Variants in SIAH1 observed in about 807,000 individuals in gnomAD.
The protein encoded by SIAH1 is E3 ubiquitin-protein ligase SIAH1.
In SIAH1, 2 loss-of-function variants were observed where a neutral mutation model predicts 20.0. That is an observed-to-expected ratio of 0.10 (90% confidence interval 0.04 to 0.31). The LOEUF (loss-of-function observed/expected upper bound fraction) is 0.31. Ranked by LOEUF, SIAH1 falls within the 10% of genes least tolerant of loss-of-function variation. The pLI, the probability that SIAH1 is intolerant of heterozygous loss-of-function variation, is 1.00. For missense variants in SIAH1, 119 were observed against 355.3 expected (o/e 0.33, Z 5.35); for synonymous variants, 118 against 125.3 (o/e 0.94, Z 0.39).
chr16:48,384,948 G>A (rs1470212282), intron 1 of SIAH1, among the ~76,000 whole-genome samples: 6 of 145,190 alleles, frequency 4.1e-5, no homozygotes, highest in Non-Finnish European at 6.1e-5. Context: ...GCCGACCCCC[G>A]CCGCCACCCC....
At chr16:48,368,809 T>C (rs1197197055) in intron 1 of SIAH1, among the ~76,000 whole-genome samples, 1 of 152,164 alleles carries the variant, frequency 6.6e-6, no homozygotes, top group African/African-American at 2.4e-5. Context: ...AAATTATTCT[T>C]AGAAACAATA....
At position 48,360,710 on chromosome 16, in the gene SIAH1, G is replaced by C. The variant is rs1960549028; in HGVS notation, c.*870C>G. On this transcript the variant is annotated 3_prime_UTR_variant, in exon 2 of 2. Transcript: ENST00000394725. ...ATTTTAAAATATGTGATTTGTCCAA[G>C]ATATCTGAAAAAGGAAACAAAAGCC... is the stretch of plus-strand genomic sequence containing the variant. 1 of 152,452 alleles carries C rather than the reference G, an allele frequency of 6.6e-6. No individual in the cohort carries two copies. Among genetic ancestry groups the C allele is most frequent in the African/African-American group, 2.4e-5 (1 of 41,390 alleles). The allele number at this position is 152,452 out of a possible 1,614,324, so 9.4% of individuals were successfully genotyped here. A position where few individuals can be genotyped will look rare whatever the true frequency, so the allele number is the denominator to read the frequency against.
chr16:48,383,921 T>A (rs994935376), intron 1 of SIAH1, among the ~76,000 whole-genome samples: 2 of 152,224 alleles, frequency 1.3e-5, no homozygotes, highest in African/African-American at 2.4e-5. Flanking sequence ...AAGCATTTGT[T>A]GAGAACTTAG....
chr16:48,380,131 A>C (rs958651325), intron 1 of SIAH1, among the ~76,000 whole-genome samples: 2 of 152,242 alleles, frequency 1.3e-5, no homozygotes. Flanking sequence ...GTATCTAAAA[A>C]AGAACTGTTA....
chr16:48,372,426 T>C (rs887445227), intron 1 of SIAH1, among the ~76,000 whole-genome samples: 1 of 152,200 alleles, frequency 6.6e-6, no homozygotes, highest in Admixed American at 6.5e-5. Context: ...GGAGTTCACA[T>C]TTCTCTAAAA....
chr16:48,364,454 C>T (rs997589334), intron 1 of SIAH1, among the ~76,000 whole-genome samples: 1 of 152,104 alleles, frequency 6.6e-6, no homozygotes, highest in African/African-American at 2.4e-5. Flanking sequence ...CGTCACTAAA[C>T]GGGTATTTTA....
chr16:48,365,825 G>GCA (rs1254670274), intron 1 of SIAH1: 1 of 1,249,604 alleles, frequency 8.0e-7, no homozygotes, highest in Non-Finnish European at 1.0e-6. Flanking sequence ...GGCCACGGAT[G>GCA]CAGGGGGCGA....
At chr16:48,373,862 GT>G (rs1461881771) in intron 1 of SIAH1, among the ~76,000 whole-genome samples, 4 of 152,144 alleles carry the variant, frequency 2.6e-5, no homozygotes, top group Non-Finnish European at 4.4e-5. Flanking sequence ...CTCCTACTTT[GT>G]TCCCCTTTAC....
At chr16:48,370,016 C>T (rs1234671078) in intron 1 of SIAH1, among the ~76,000 whole-genome samples, 1 of 152,248 alleles carries the variant, frequency 6.6e-6, no homozygotes, top group Non-Finnish European at 1.5e-5. Flanking sequence ...CAACTCTCTT[C>T]TCTAAGAACT....
Position 48,370,464 on chromosome 16 carries a change from T to C in SIAH1, c.-2-8034A>G, listed in dbSNP as rs897846275. On this transcript the variant is annotated intron_variant, in intron 1 of 1. Transcript: ENST00000394725. ...TGCCAGGTAGACTCAATGGTTTACATATGTTCTCATTTAACCTTTCCAATG... is the reference window on the plus strand; with the variant it reads ...TGCCAGGTAGACTCAATGGTTTACACATGTTCTCATTTAACCTTTCCAATG... Among the ~76,000 whole-genome samples the C allele has an allele frequency of 3.9e-5, 6 of 152,128 alleles. No individual in the cohort carries two copies. In the East Asian group the frequency reaches 7.7e-4, roughly 20 times the overall value.
chr16:48,380,300 A>T (rs958841760), intron 1 of SIAH1, among the ~76,000 whole-genome samples: 1 of 151,910 alleles, frequency 6.6e-6, no homozygotes, highest in Admixed American at 6.6e-5. Flanking sequence ...TTAGCCGAGC[A>T]CGGTGGGCTC....
At chr16:48,367,685 C>T (rs895623904) in intron 1 of SIAH1, among the ~76,000 whole-genome samples, 3 of 152,192 alleles carry the variant, frequency 2.0e-5, no homozygotes, top group Admixed American at 6.5e-5. Context: ...CAAAAGATGC[C>T]TTAACCTTGC....
At chr16:48,378,295 G>A (rs1171948786) in intron 1 of SIAH1, among the ~76,000 whole-genome samples, 3 of 152,220 alleles carry the variant, frequency 2.0e-5, no homozygotes, top group African/African-American at 4.8e-5. Context: ...GGAGGTTGCC[G>A]TGAGCCAAGA....
At chr16:48,381,812 A>G (rs911098180) in intron 1 of SIAH1, among the ~76,000 whole-genome samples, 1 of 152,194 alleles carries the variant, frequency 6.6e-6, no homozygotes, top group South Asian at 2.1e-4. Context: ...CATGTATGTC[A>G]TTATGTATTT....
intron 1 of SIAH1, among the ~76,000 whole-genome samples, chr16:48,375,940 A>C (rs1309485791): frequency 6.6e-6 from 1 of 152,232 alleles, no homozygotes; most frequent in Non-Finnish European, 1.5e-5. Context: ...ACAGGCACAC[A>C]AAGCATCAAG....
upstream of SIAH1, chr16:48,385,432 C>T (rs1018030352): frequency 1.1e-4 from 17 of 152,656 alleles, no homozygotes; most frequent in East Asian, 1.9e-3. Context: ...CGCGCGCCCC[C>T]GCTAAATACC....
intron 1 of SIAH1, among the ~76,000 whole-genome samples, chr16:48,376,551 G>A (rs995069266): frequency 4.6e-5 from 7 of 152,074 alleles, no homozygotes; most frequent in Non-Finnish European, 1.0e-4. Context: ...GAGTGCAGTG[G>A]TGCAATCTCA....
In SIAH1 at chr16:48,360,835, A is replaced by G. The variant is rs959842605; in HGVS notation, c.*745T>C. 1.3e-5 allele frequency: 2 copies of G among 152,334 alleles called. No individual in the cohort carries two copies. Among genetic ancestry groups the G allele is most frequent in the Non-Finnish European group, 2.9e-5 (2 of 68,044 alleles). The allele number at this position is 152,334 out of a possible 1,614,324, so 9.4% of individuals were successfully genotyped here. The stretch of plus-strand genomic sequence containing the variant: ...GTAGAAGACAGAAAGAGAGCACCTT[A>G]TAGATGCTTTAAATAGCTTTTGATT... On this transcript the variant is annotated 3_prime_UTR_variant, in exon 2 of 2. Coordinates refer to ENST00000394725, the MANE Select transcript of SIAH1 (RefSeq NM_003031.4).
At chr16:48,380,019 A>G (rs996210988) in intron 1 of SIAH1, among the ~76,000 whole-genome samples, 1 of 152,252 alleles carries the variant, frequency 6.6e-6, no homozygotes, top group African/African-American at 2.4e-5. Flanking sequence ...GCTGGAGACC[A>G]AAAGGAGATC....
Sources: allele counts gnomAD v4.1 joint callset (sites outside exome capture counted in the v4.1 genomes callset), GRCh38; gene constraint gnomAD v4.1.1; transcripts MANE v1.5; gene names NCBI Gene and HGNC (gene_info 2026-07-23, HGNC 2026-07-21).